The following CATSPERT variants were observed in gnomAD, a reference collection of about 807,000 sequenced individuals.
The protein encoded by CATSPERT is catsper channel auxiliary subunit tau.
chr2:201,552,679 G>A, the CATSPERT span, among the ~76,000 whole-genome samples: 4 of 152,174 alleles, frequency 2.6e-5, no homozygotes, highest in South Asian at 2.1e-4. Context: ...TCCACTGCAT[G>A]GGTAGGGGGT....
chr2:201,546,759 G>T, the CATSPERT span, among the ~76,000 whole-genome samples: 2 of 152,122 alleles, frequency 1.3e-5, no homozygotes, highest in South Asian at 2.1e-4. Context: ...ACACAGTCCA[G>T]CTTCTACTCC....
chr2:201,574,324 T>C, the CATSPERT span: 9 of 1,477,888 alleles, frequency 6.1e-6, no homozygotes, highest in South Asian at 1.3e-5. Flanking sequence ...GATATTTTAA[T>C]GGAGAAGGGA....
chr2:201,545,629 C>CAAAAAAAAAGAAAAA, the CATSPERT span: 1 of 143,216 alleles, frequency 7.0e-6, no homozygotes. Flanking sequence ...TTCCTAGAAG[C>CAAAAAAAAAGAAAAA]AAAAAAAAAA....
chr2:201,604,153 G>T, the CATSPERT span, among the ~76,000 whole-genome samples: 2 of 151,656 alleles, frequency 1.3e-5, no homozygotes, highest in African/African-American at 4.8e-5. Context: ...GTATGTGTGT[G>T]TGTGTGTGTG....
chr2:201,527,834 G>A, the CATSPERT span, among the ~76,000 whole-genome samples: 1,768 of 152,012 alleles, frequency 0.012, 34 homozygotes, highest in African/African-American at 0.04. Context: ...ACACCATTCT[G>A]GACATAGACC....
At chr2:201,565,804 C>T in the CATSPERT span, 4 of 1,611,774 alleles carry the variant, frequency 2.5e-6, no homozygotes, top group East Asian at 4.5e-5. Context: ...AGCTGGAGTC[C>T]CAACAGTAAC....
the CATSPERT span, among the ~76,000 whole-genome samples, chr2:201,602,916 G>A: frequency 2.0e-5 from 3 of 152,072 alleles, no homozygotes; most frequent in South Asian, 2.1e-4. Context: ...TAGGACTTAG[G>A]GAAAGAGAGA....
the CATSPERT span, among the ~76,000 whole-genome samples, chr2:201,497,423 TG>T: frequency 6.6e-6 from 1 of 152,214 alleles, no homozygotes; most frequent in Non-Finnish European, 1.5e-5. Flanking sequence ...TTATAACATT[TG>T]AAGGCTCATT....
At chr2:201,505,099 T>TTTTTG in the CATSPERT span, among the ~76,000 whole-genome samples, 2 of 152,084 alleles carry the variant, frequency 1.3e-5, no homozygotes, top group East Asian at 1.9e-4. Flanking sequence ...TTCACTTTTT[T>TTTTTG]TTTTGTTTTG....
the CATSPERT span, among the ~76,000 whole-genome samples, chr2:201,541,530 T>TC: frequency 1.7e-5 from 1 of 58,248 alleles, no homozygotes; most frequent in Non-Finnish European, 3.1e-5. Flanking sequence ...CTCAGATGAT[T>TC]TTATATATAT....
chr2:201,580,938 G>C, the CATSPERT span, among the ~76,000 whole-genome samples: 1 of 152,172 alleles, frequency 6.6e-6, no homozygotes, highest in Non-Finnish European at 1.5e-5. Context: ...AAGGATGAAA[G>C]AACTAAACCA....
chr2:201,536,394 G>T, the CATSPERT span: 1 of 1,486,092 alleles, frequency 6.7e-7, no homozygotes, highest in Non-Finnish European at 9.0e-7. Context: ...TTAAGAAAAT[G>T]ACTCAAAATC....
chr2:201,541,137 C>T, the CATSPERT span, among the ~76,000 whole-genome samples: 3 of 152,110 alleles, frequency 2.0e-5, no homozygotes, highest in African/African-American at 7.2e-5. Flanking sequence ...TGAGGAATTG[C>T]TTCTTATGGA....
chr2:201,492,703 T>C, the CATSPERT span: 2 of 1,535,390 alleles, frequency 1.3e-6, no homozygotes, highest in South Asian at 2.4e-5. Flanking sequence ...ATTGAAATTG[T>C]TGACAAAAGA....
At chr2:201,583,315 C>T in the CATSPERT span, among the ~76,000 whole-genome samples, 4 of 152,246 alleles carry the variant, frequency 2.6e-5, no homozygotes, top group East Asian at 5.8e-4. Flanking sequence ...CAAAGGGCTA[C>T]GGCTTCAGTG....
the CATSPERT span, among the ~76,000 whole-genome samples, chr2:201,581,514 ATATATAT>A: frequency 4.1e-5 from 3 of 72,952 alleles, 1 homozygote; most frequent in Admixed American, 4.6e-4. Context: ...ATATATATAT[ATATATAT>A]ATAAAATATT....
At chr2:201,579,082 T>A in the CATSPERT span, among the ~76,000 whole-genome samples, 1 of 152,168 alleles carries the variant, frequency 6.6e-6, no homozygotes. Flanking sequence ...TCACTCCCAA[T>A]GTTTACCTTG....
At chr2:201,595,208 T>G in the CATSPERT span, among the ~76,000 whole-genome samples, 1 of 111,596 alleles carries the variant, frequency 9.0e-6, no homozygotes, top group African/African-American at 3.1e-5. Context: ...TTTTTTTTTT[T>G]GAGACGGAGT....
At chr2:201,545,500 T>C in the CATSPERT span, 1 of 1,258,954 alleles carries the variant, frequency 7.9e-7, no homozygotes, top group Non-Finnish European at 1.1e-6. Context: ...ATCACTTTGA[T>C]TTCAATTATC....
Sources: allele counts gnomAD v4.1 joint callset (sites outside exome capture counted in the v4.1 genomes callset), GRCh38; gene constraint gnomAD v4.1.1; transcripts MANE v1.5; gene names NCBI Gene and HGNC (gene_info 2026-07-23, HGNC 2026-07-21).